The following PSEN2 variants were observed in gnomAD, a reference collection of about 807,000 sequenced individuals.
PSEN2 encodes the protein presenilin 2, also known as presenilin-2.
Under a neutral mutation model 49.1 loss-of-function variants are expected in PSEN2, and 32 were observed. The ratio of observed to expected loss-of-function variants is 0.65; its 90% CI spans 0.49 to 0.88. PSEN2 has a LOEUF of 0.88. PSEN2 is among the 40% of genes least tolerant of loss of function. The pLI, the probability that PSEN2 is intolerant of heterozygous loss-of-function variation, is 0.00. For missense variants in PSEN2, 522 were observed against 586.9 expected, an observed-to-expected ratio of 0.89 and a Z score of 1.14; for synonymous variants, 255 against 244.0, an observed-to-expected ratio of 1.05 and a Z score of -0.42.
intron 3 of PSEN2, among the ~76,000 whole-genome samples, chr1:226,877,900 T>G (rs1401692315): frequency 3.3e-5 from 5 of 152,072 alleles, no homozygotes; most frequent in Non-Finnish European, 5.9e-5. Context: ...TCAGCGAGTG[T>G]GGATGATGAC....
chr1:226,886,792 T>C (rs1276150733), intron 6 of PSEN2, among the ~76,000 whole-genome samples: 1 of 152,060 alleles, frequency 6.6e-6, no homozygotes, highest in African/African-American at 2.4e-5. Context: ...TGTCCTGAGC[T>C]GAAGCTTATC....
intron 2 of PSEN2, among the ~76,000 whole-genome samples, chr1:226,872,967 C>T (rs1043174098): frequency 6.6e-6 from 1 of 152,082 alleles, no homozygotes; most frequent in Non-Finnish European, 1.5e-5. Flanking sequence ...CACCTGAGGT[C>T]GGAAGTTTGA....
rs750266631 is a variant in PSEN2 at position 226,888,867 on chromosome 1, C to T, written c.605C>T (p.Pro202Leu). Residue 202 changes from proline (P) to leucine (L), a missense_variant, in exon 8 of 13, where the codon CCC becomes CTC. By Grantham distance (98) the Pro-to-Leu change is moderately conservative (BLOSUM62 -3). Transcript: ENST00000366783. ...ACCTACAATGTGGCCATGGACTACC[C>T]CACCCTCTTGCTGACTGTCTGGAAC... ...LKTYNVAMDY[P>L]TLLLTVWNFG... 1 of 1,614,062 alleles carries T rather than the reference C, an allele frequency of 6.2e-7. No individual in the cohort carries two copies. The highest frequency in any genetic ancestry group is 8.5e-7 in the Non-Finnish European group (1 of 1,180,034).
intron 6 of PSEN2, among the ~76,000 whole-genome samples, chr1:226,887,380 G>A (rs1270274094): frequency 6.6e-6 from 1 of 152,192 alleles, no homozygotes; most frequent in African/African-American, 2.4e-5. Flanking sequence ...AGTGGGCTGA[G>A]CTGGTGACTG....
chr1:226,875,507 A>G lies in PSEN2; in HGVS notation c.-64A>G, dbSNP rs570850485. 6.6e-6 allele frequency: 1 copy of G among 152,270 alleles called. No individual in the cohort carries two copies. The highest frequency in any genetic ancestry group is 1.9e-4 in the East Asian group (1 of 5,180). The allele number at this position is 152,270 out of a possible 1,614,324, so 9.4% of individuals were successfully genotyped here. On this transcript the variant is annotated 5_prime_UTR_variant, in exon 3 of 13. Transcript: ENST00000366783. ...TTTAGCCTGCTGAGAAGAAGAAACC[A>G]AGTGTCCGGGATTCAGACCTCTCTG...
chr1:226,891,122 C>T (rs1327841523), intron 9 of PSEN2, among the ~76,000 whole-genome samples, 156 bp from the exon 10 acceptor site: 3 of 152,178 alleles, frequency 2.0e-5, no homozygotes, highest in Non-Finnish European at 2.9e-5. Flanking sequence ...TGGACCCCTC[C>T]CACAACGGCC....
At chr1:226,879,737 A>G (rs1660858436) in intron 3 of PSEN2, among the ~76,000 whole-genome samples, 1 of 152,126 alleles carries the variant, frequency 6.6e-6, no homozygotes, top group African/African-American at 2.4e-5. Context: ...CTGACAACTG[A>G]TAGACTGTGT....
At chr1:226,894,255 G>A in intron 12 of PSEN2, 130 bp downstream of exon 12, 1 of 687,048 alleles carries the variant, frequency 1.5e-6, no homozygotes, top group South Asian at 1.8e-5. Flanking sequence ...ACAAGAGCAG[G>A]GAGCGGGGCT....
chr1:226,882,587 C>T (rs1051509177), intron 4 of PSEN2, among the ~76,000 whole-genome samples: 2 of 152,164 alleles, frequency 1.3e-5, no homozygotes, highest in African/African-American at 2.4e-5. Context: ...CTTTCTCTCC[C>T]GATCAGGGCA....
intron 9 of PSEN2, 142 bp downstream of exon 9, chr1:226,890,275 C>A: frequency 4.1e-6 from 3 of 737,160 alleles, no homozygotes; most frequent in Non-Finnish European, 7.4e-6. Flanking sequence ...CCAGGGAGGG[C>A]AGTATCTTGT....
chr1:226,874,732 TC>T (rs1660524315), intron 2 of PSEN2, among the ~76,000 whole-genome samples: 2 of 152,230 alleles, frequency 1.3e-5, no homozygotes, highest in Admixed American at 6.5e-5. Flanking sequence ...TTTACGATAA[TC>T]TTGCAAGGTA....
chr1:226,871,695 C>T (rs935756935), intron 2 of PSEN2, among the ~76,000 whole-genome samples: 3 of 152,228 alleles, frequency 2.0e-5, no homozygotes, highest in Non-Finnish European at 4.4e-5. Flanking sequence ...GTAAGGAAGC[C>T]TCTGATGCCT....
In PSEN2 at chr1:226,891,319, T is replaced by G; in HGVS notation, c.928T>G (p.Ser310Ala). 1 of 1,613,816 alleles carries G rather than the reference T, an allele frequency of 6.2e-7. No homozygotes were observed. Among genetic ancestry groups the G allele is most frequent in the Non-Finnish European group, 8.5e-7 (1 of 1,179,952 alleles). Residue 310 changes from serine (S) to alanine (A), a missense_variant, in exon 10 of 13, where the codon TCC (serine) becomes GCC (alanine). By Grantham distance (99) the Ser-to-Ala change is moderately conservative (BLOSUM62 1). Transcript: ENST00000366783. Reference sequence around the variant, plus strand: ...GGTTGGCATGGCGAAGCTGGACCCCTCCTCTCAGGGTGCCCTCCAGCTCCC... The same window carrying G: ...GGTTGGCATGGCGAAGCTGGACCCCGCCTCTCAGGGTGCCCTCCAGCTCCC... ...WTVGMAKLDP[S>A]SQGALQLPYD...
chr1:226,887,235 G>T (rs552167698), intron 6 of PSEN2, among the ~76,000 whole-genome samples: 1 of 152,160 alleles, frequency 6.6e-6, no homozygotes. Flanking sequence ...GTGGTGGCCC[G>T]GGCAGCCAGG....
At chr1:226,879,030 C>A (rs1448718691) in intron 3 of PSEN2, among the ~76,000 whole-genome samples, 1 of 152,002 alleles carries the variant, frequency 6.6e-6, no homozygotes, top group Admixed American at 6.6e-5. Flanking sequence ...TCTTCAATTT[C>A]TTTTATTTAT....
At chr1:226,891,546 C>CT (rs1269960335) in intron 10 of PSEN2, among the ~76,000 whole-genome samples, 185 bp downstream of exon 10, 1 of 152,176 alleles carries the variant, frequency 6.6e-6, no homozygotes, top group Non-Finnish European at 1.5e-5. Flanking sequence ...CCTCGGTCCT[C>CT]TGCCAGCCTC....
chr1:226,890,226 T>G (rs1661654971), intron 9 of PSEN2, 93 bp downstream of exon 9: 2 of 1,062,976 alleles, frequency 1.9e-6, no homozygotes, highest in African/African-American at 1.6e-5. Flanking sequence ...GCTTTCAGAG[T>G]TGACTGGGCG....
At chr1:226,879,510 C>T (rs1660844773) in intron 3 of PSEN2, among the ~76,000 whole-genome samples, 1 of 152,198 alleles carries the variant, frequency 6.6e-6, no homozygotes, top group South Asian at 2.1e-4. Context: ...AAACTCCTCC[C>T]TGGCATGGCC....
chr1:226,872,646 A>G (rs1660379388), intron 2 of PSEN2, among the ~76,000 whole-genome samples: 1 of 152,128 alleles, frequency 6.6e-6, no homozygotes, highest in South Asian at 2.1e-4. Context: ...GGTCACATGC[A>G]GTGTGTCTAA....
Sources: allele counts gnomAD v4.1 joint callset (sites outside exome capture counted in the v4.1 genomes callset), GRCh38; gene constraint gnomAD v4.1.1; transcripts MANE v1.5; gene names NCBI Gene and HGNC (gene_info 2026-07-23, HGNC 2026-07-21).